Variants in FIP1L1 observed in about 807,000 individuals in gnomAD.
FIP1L1 encodes the protein factor interacting with PAPOLA and CPSF1, also known as pre-mRNA 3'-end-processing factor FIP1.
Under a neutral mutation model 84.6 loss-of-function variants are expected in FIP1L1, and 21 were observed. The observed-to-expected ratio is 0.25, with a 90% CI of 0.18 to 0.36. FIP1L1 has a LOEUF of 0.36. FIP1L1 is among the 10% of genes least tolerant of loss of function. The pLI, the probability that FIP1L1 is intolerant of heterozygous loss-of-function variation, is 1.00. For synonymous variants in FIP1L1, 263 were observed against 242.3 expected (o/e 1.09, Z -0.80); for missense variants, 526 against 751.1 (o/e 0.70, Z 3.50).
At chr4:53,452,262 T>G (rs1393471571) in intron 15 of FIP1L1, among the ~76,000 whole-genome samples, 3 of 152,196 alleles carry the variant, frequency 2.0e-5, no homozygotes, top group African/African-American at 4.8e-5. Flanking sequence ...GCTGTTTGAA[T>G]CTTGAAATAA....
chr4:53,395,980 G>A (rs576575788), intron 9 of FIP1L1, among the ~76,000 whole-genome samples: 40 of 151,316 alleles, frequency 2.6e-4, no homozygotes, highest in Non-Finnish European at 4.7e-4. Context: ...GTGCAATGGT[G>A]TGATCTTGGC....
chr4:53,410,842 G>A (rs1395034487), intron 10 of FIP1L1, among the ~76,000 whole-genome samples: 4 of 152,014 alleles, frequency 2.6e-5, no homozygotes, highest in African/African-American at 7.3e-5. Flanking sequence ...AAATTTTATA[G>A]GCATGTATAT....
chr4:53,395,919 A>ATTTTTTTT (rs11400535), intron 9 of FIP1L1, among the ~76,000 whole-genome samples: 1 of 147,814 alleles, frequency 6.8e-6, no homozygotes. Flanking sequence ...GTATTTTATG[A>ATTTTTTTT]TTTTTTTTTT....
intron 10 of FIP1L1, among the ~76,000 whole-genome samples, chr4:53,408,264 G>A (rs1336455737): frequency 6.6e-6 from 1 of 152,074 alleles, no homozygotes; most frequent in African/African-American, 2.4e-5. Flanking sequence ...AGCTTAATTT[G>A]GCTGGACATG....
intron 16 of FIP1L1, among the ~76,000 whole-genome samples, chr4:53,454,274 A>G (rs1356595903): frequency 1.3e-5 from 2 of 152,230 alleles, no homozygotes; most frequent in Non-Finnish European, 1.5e-5. Context: ...TATGCTGTAC[A>G]GATTTGAAGC....
At chr4:53,459,131 T>C (rs1346697411) in intron 17 of FIP1L1, among the ~76,000 whole-genome samples, 171 bp from the exon 18 acceptor site, 1 of 152,082 alleles carries the variant, frequency 6.6e-6, no homozygotes, top group Non-Finnish European at 1.5e-5. Flanking sequence ...ATACAATCCC[T>C]GCATAAAAGT....
Position 53,399,726 on chromosome 4 carries a change from TAAGGTACAG to T in FIP1L1, c.706-3_711del. The T allele has an allele frequency of 6.3e-7, 1 of 1,591,252 alleles. No homozygotes were observed. On this transcript the variant is annotated splice_acceptor_variant and splice_polypyrimidine_tract_variant and coding_sequence_variant and intron_variant, in exon 10 of 18. Coordinates refer to ENST00000337488, the MANE Select transcript of FIP1L1 (RefSeq NM_030917.4). LOFTEE classifies it high-confidence loss of function. ...CAACAAGCTAATAACCTTTTTTTTT[TAAGGTACAG>T]CAGGGAAGAACTGGAAACTCAGAGA...
intron 11 of FIP1L1, among the ~76,000 whole-genome samples, chr4:53,415,876 C>T (rs1759275159): frequency 6.6e-6 from 1 of 152,098 alleles, no homozygotes; most frequent in Admixed American, 6.5e-5. Flanking sequence ...AATATATTAG[C>T]TGCATTCTTA....
rs1361647586 is a variant in FIP1L1, at chr4:53,437,341, A to G, written c.1175-5312A>G. ...CTGTCTCAACCAAAAAAAAAAAAAA[A>G]AAAAAAAAAAAAGAGAGAGAAATCA... On this transcript the variant is annotated intron_variant, in intron 13 of 17. Coordinates refer to ENST00000337488, the MANE Select transcript of FIP1L1 (RefSeq NM_030917.4). Among the ~76,000 whole-genome samples, 9 of 149,126 alleles carry G rather than the reference A, an allele frequency of 6.0e-5. 1 individual carries two copies. Among genetic ancestry groups the G allele is most frequent in the Admixed American group, 6.0e-4 (9 of 15,108 alleles).
At chr4:53,400,510 C>T (rs1749663007) in intron 10 of FIP1L1, among the ~76,000 whole-genome samples, 1 of 152,104 alleles carries the variant, frequency 6.6e-6, no homozygotes, top group South Asian at 2.1e-4. Flanking sequence ...AAAGTCTGGG[C>T]CTGAAACAAA....
At chr4:53,403,774 A>G (rs191125854) in intron 10 of FIP1L1, among the ~76,000 whole-genome samples, 3 of 152,304 alleles carry the variant, frequency 2.0e-5, no homozygotes, top group African/African-American at 7.2e-5. Flanking sequence ...TCTGTTGCCC[A>G]ATGCCGGCTG....
chr4:53,459,267 C>T, intron 17 of FIP1L1, 35 bp from the exon 18 acceptor site: 4 of 1,394,492 alleles, frequency 2.9e-6, no homozygotes, highest in Non-Finnish European at 3.9e-6. Context: ...TGTATTTAAA[C>T]AGAACACACC....
intron 15 of FIP1L1, among the ~76,000 whole-genome samples, chr4:53,445,420 A>G (rs901095180): frequency 6.6e-6 from 1 of 152,222 alleles, no homozygotes; most frequent in Non-Finnish European, 1.5e-5. Flanking sequence ...TAAAAGGCAC[A>G]TTAACAAGAG....
intron 1 of FIP1L1, chr4:53,378,862 TA>T (rs58132961): frequency 2.6e-4 from 147 of 558,844 alleles, no homozygotes; most frequent in South Asian, 3.9e-4. Context: ...GATAAACTTG[TA>T]AAAAAAAATC....
At chr4:53,404,379 T>C (rs1437000978) in intron 10 of FIP1L1, among the ~76,000 whole-genome samples, 1 of 152,080 alleles carries the variant, frequency 6.6e-6, no homozygotes, top group Non-Finnish European at 1.5e-5. Flanking sequence ...CCATGGTGTA[T>C]ATGTGCCACA....
chr4:53,384,894 A>G (rs1186889679), intron 5 of FIP1L1, among the ~76,000 whole-genome samples: 1 of 152,214 alleles, frequency 6.6e-6, no homozygotes, highest in Non-Finnish European at 1.5e-5. Context: ...TCTGGAATCA[A>G]CCAGTATATA....
intron 11 of FIP1L1, among the ~76,000 whole-genome samples, chr4:53,417,761 ACACTCTCT>A (rs1404652286): frequency 5.8e-4 from 13 of 22,498 alleles, no homozygotes; most frequent in African/African-American, 8.9e-4. Context: ...ACACACACAC[ACACTCTCT>A]CTCTCTCTCT....
intron 11 of FIP1L1, among the ~76,000 whole-genome samples, chr4:53,416,761 C>G (rs1264741999): frequency 6.6e-5 from 10 of 152,126 alleles, no homozygotes; most frequent in Admixed American, 1.3e-4. Flanking sequence ...GTCAGGAGTT[C>G]AAGACCAGCC....
intron 13 of FIP1L1, chr4:53,440,713 C>G (rs1426648304): frequency 2.5e-6 from 2 of 788,510 alleles, no homozygotes; most frequent in Non-Finnish European, 4.3e-6. Flanking sequence ...ATGGAATAGG[C>G]TATGGGGATT....
Sources: gnomAD v4.1 joint callset for allele counts (sites outside exome capture counted in the v4.1 genomes callset) on GRCh38, gnomAD v4.1.1 for gene constraint, MANE v1.5 for transcripts, NCBI Gene and HGNC (gene_info 2026-07-23, HGNC 2026-07-21) for gene names.